Variants in PRKAR1A observed in about 807,000 individuals in gnomAD.
PRKAR1A encodes protein kinase cAMP-dependent type I regulatory subunit alpha, also known as cAMP-dependent protein kinase type I-alpha regulatory subunit.
A neutral mutation model predicts 52.0 loss-of-function variants in PRKAR1A; 3 were observed. The observed-to-expected ratio is 0.06, with a 90% CI of 0.03 to 0.15. The LOEUF (loss-of-function observed/expected upper bound fraction) is 0.15, where lower values mean the gene tolerates loss of function less well. Ranked by LOEUF, PRKAR1A falls within the 10% of genes least tolerant of loss-of-function variation. PRKAR1A has a pLI of 1.00. For synonymous variants in PRKAR1A, 188 were observed against 168.4 expected (o/e 1.12, Z -0.90); for missense variants, 240 against 477.4 (o/e 0.50, Z 4.63).
At chr17:68,482,030 G>A in the PRKAR1A span, among the ~76,000 whole-genome samples, 1 of 152,200 alleles carries the variant, frequency 6.6e-6, no homozygotes, top group Non-Finnish European at 1.5e-5. Context: ...CTAGGAGATG[G>A]GTCCTGACTG....
the PRKAR1A span, among the ~76,000 whole-genome samples, chr17:68,489,234 A>AATAT: frequency 4.9e-5 from 1 of 20,594 alleles, no homozygotes; most frequent in Non-Finnish European, 7.9e-5. Flanking sequence ...ATATATGGAA[A>AATAT]GTATATATAT....
At chr17:68,511,226 T>C (rs772244449), upstream of PRKAR1A, among the ~76,000 whole-genome samples, 3 of 152,194 alleles carry the variant, frequency 2.0e-5, no homozygotes, top group Non-Finnish European at 4.4e-5. Context: ...CCATTATGAA[T>C]TTTAAGCACA....
the PRKAR1A span, among the ~76,000 whole-genome samples, chr17:68,416,634 C>T: frequency 7.9e-5 from 12 of 152,254 alleles, no homozygotes; most frequent in Middle Eastern, 3.4e-3. Flanking sequence ...TAACATAATC[C>T]CAGCCTTCTT....
the PRKAR1A span, among the ~76,000 whole-genome samples, chr17:68,486,500 TCCTTCCTTCTTTCTTTCTTTC>T: frequency 4.5e-5 from 2 of 44,064 alleles, no homozygotes; most frequent in Non-Finnish European, 9.5e-5. Context: ...CTTCCTTCCT[TCCTTCCTTCTTTCTTTCTTTC>T]TTTCTTTCTT....
At chr17:68,427,461 A>AGG in the PRKAR1A span, 1 of 373,828 alleles carries the variant, frequency 2.7e-6, no homozygotes, top group Non-Finnish European at 4.9e-6. Context: ...GGTTCAAGCG[A>AGG]TTCTCCTGCC....
chr17:68,519,928 T>G (rs1036365512), intron 2 of PRKAR1A, among the ~76,000 whole-genome samples: 1 of 152,238 alleles, frequency 6.6e-6, no homozygotes, highest in South Asian at 2.1e-4. Flanking sequence ...TGAGAGAAAT[T>G]AAGTAATGTG....
intron 8 of PRKAR1A, 69 bp downstream of exon 8, chr17:68,527,969 G>T: frequency 7.3e-7 from 1 of 1,366,132 alleles, no homozygotes; most frequent in Non-Finnish European, 1.0e-6. Flanking sequence ...GATGGACTTG[G>T]GAAAAGCCTT....
At chr17:68,448,355 C>G in the PRKAR1A span, 2 of 152,196 alleles carry the variant, frequency 1.3e-5, no homozygotes, top group East Asian at 3.8e-4. Context: ...AGGGAGAACT[C>G]TTAGATATTG....
At chr17:68,436,442 G>A in the PRKAR1A span, 1 of 1,613,940 alleles carries the variant, frequency 6.2e-7, no homozygotes, top group Non-Finnish European at 8.5e-7. Flanking sequence ...GATAGGCCAG[G>A]TAAGAATTGG....
intron 2 of PRKAR1A, chr17:68,515,958 A>G (rs1431773209): frequency 4.3e-6 from 1 of 233,246 alleles, no homozygotes; most frequent in Non-Finnish European, 8.6e-6. Flanking sequence ...GAACAAAGCA[A>G]GTAAGCGTAG....
At chr17:68,483,105 C>A in the PRKAR1A span, among the ~76,000 whole-genome samples, 1 of 149,078 alleles carries the variant, frequency 6.7e-6, no homozygotes, top group Non-Finnish European at 1.5e-5. Flanking sequence ...ACATTGTGAT[C>A]CATGATCTAG....
the PRKAR1A span, chr17:68,429,050 C>T: frequency 1.3e-6 from 1 of 758,614 alleles, no homozygotes; most frequent in Non-Finnish European, 2.2e-6. Context: ...CTTTGACAAA[C>T]CCTTAGCCCA....
chr17:68,519,006 A>G (rs1318354839), intron 2 of PRKAR1A, among the ~76,000 whole-genome samples: 1 of 152,124 alleles, frequency 6.6e-6, no homozygotes, highest in Non-Finnish European at 1.5e-5. Flanking sequence ...ATCTGAGACC[A>G]CCTTAGCCTG....
At position 68,522,909 on chromosome 17, in the gene PRKAR1A, G is replaced by A. The variant is rs1472324247; in HGVS notation, c.331G>A (p.Ala111Thr). ...TGAGGTCTACACGGAGGAAGATGCG[G>A]CATCCTATGTTAGAAAGGTAGTTTT... ...SAEVYTEEDAASYVRKVIPKD... is the reference protein window; with the variant it reads ...SAEVYTEEDATSYVRKVIPKD... The change falls in exon 3 of 11, where the codon GCA (alanine) becomes ACA (threonine). Residue 111 changes from alanine to threonine, a missense_variant. By Grantham distance (58) the Ala-to-Thr change is moderately conservative (BLOSUM62 0). Around this residue, in one of 4 missense-constraint regions of PRKAR1A, gnomAD observed 107 missense variants for 290.9 expected, o/e 0.37. Coordinates refer to ENST00000589228, the MANE Select transcript of PRKAR1A (RefSeq NM_002734.5). 3 of 1,613,824 alleles carry A rather than the reference G, an allele frequency of 1.9e-6. No individual in the cohort carries two copies. The highest frequency in any genetic ancestry group is 2.5e-6 in the Non-Finnish European group (3 of 1,179,850).
the PRKAR1A span, chr17:68,421,655 C>G: frequency 1.4e-5 from 20 of 1,442,894 alleles, no homozygotes; most frequent in Non-Finnish European, 1.9e-5. Context: ...CAGTGGAGCA[C>G]CCGGGATTCC....
the PRKAR1A span, among the ~76,000 whole-genome samples, chr17:68,486,405 TTTCTTTCTTTCC>T: frequency 8.2e-6 from 1 of 122,242 alleles, no homozygotes; most frequent in African/African-American, 3.2e-5. Context: ...TCTTTCTTTC[TTTCTTTCTTTCC>T]TTCCTTCTTT....
chr17:68,524,088 CTG>C lies in PRKAR1A; in HGVS notation c.502+12_502+13del, dbSNP rs764075585. Reference sequence around the variant, plus strand: ...CTGTGATTCAGCAAGGTAAGGGCCTCTGGAGCATGCAATATTGTTACGGGAGA... The same window carrying C: ...CTGTGATTCAGCAAGGTAAGGGCCTCGAGCATGCAATATTGTTACGGGAGA... On this transcript the variant is annotated intron_variant, in intron 5 of 10. Coordinates refer to ENST00000589228, the MANE Select transcript of PRKAR1A (RefSeq NM_002734.5). The C allele has an allele frequency of 1.5e-5, 25 of 1,613,410 alleles. No individual in the cohort carries two copies. In the African/African-American group the frequency reaches 2.7e-4, roughly 17 times the overall value.
intron 11 of PRKAR1A, chr17:68,541,114 C>CTT: frequency 9.3e-7 from 1 of 1,072,664 alleles, no homozygotes; most frequent in Non-Finnish European, 1.3e-6. Flanking sequence ...TGGGCAAGGA[C>CTT]GCGTAAGGCT....
intron 11 of PRKAR1A, among the ~76,000 whole-genome samples, chr17:68,548,862 A>G (rs963235683): frequency 6.7e-6 from 1 of 149,680 alleles, no homozygotes; most frequent in African/African-American, 2.5e-5. Flanking sequence ...CCTCCCGAGC[A>G]GCTGGGACTA....
Sources: allele counts gnomAD v4.1 joint callset (sites outside exome capture counted in the v4.1 genomes callset), GRCh38; gene constraint gnomAD v4.1.1; regional missense constraint gnomAD v4.1.1; transcripts MANE v1.5; gene names NCBI Gene and HGNC (gene_info 2026-07-23, HGNC 2026-07-21).